Variants in CNTN3 observed in about 807,000 individuals in gnomAD.
CNTN3 encodes contactin 3.
CNTN3 carries 60 observed loss-of-function variants against 119.1 expected under a neutral mutation model. The ratio of observed to expected loss-of-function variants is 0.50; its 90% CI spans 0.41 to 0.62. The LOEUF is 0.62. Among genes scored for constraint, CNTN3 ranks in the 20% least tolerant of loss-of-function variants. The pLI is 0.00. For missense variants in CNTN3, 1,101 were observed against 1,242.4 expected (o/e 0.89, Z 1.71); for synonymous variants, 450 against 438.7 (o/e 1.03, Z -0.32).
chr3:74,272,865 T>C (rs1267499269), intron 20 of CNTN3, among the ~76,000 whole-genome samples: 1 of 152,170 alleles, frequency 6.6e-6, no homozygotes, highest in Non-Finnish European at 1.5e-5. Context: ...ATTCTACTTA[T>C]TATTATTAAA....
At chr3:74,390,200 G>C (rs1012872971) in intron 5 of CNTN3, among the ~76,000 whole-genome samples, 1 of 152,118 alleles carries the variant, frequency 6.6e-6, no homozygotes, top group Non-Finnish European at 1.5e-5. Flanking sequence ...GTTGACTTAG[G>C]GCTCTAATAG....
chr3:74,441,856 C>G (rs1701971872), intron 4 of CNTN3, among the ~76,000 whole-genome samples: 1 of 152,072 alleles, frequency 6.6e-6, no homozygotes, highest in African/African-American at 2.4e-5. Context: ...TTGCATTTAG[C>G]TAACATGACA....
chr3:74,312,006 G>T (rs1459997985), intron 13 of CNTN3, among the ~76,000 whole-genome samples: 1 of 152,150 alleles, frequency 6.6e-6, no homozygotes, highest in South Asian at 2.1e-4. Flanking sequence ...GCCAATCATA[G>T]GGGGTGCTGC....
chr3:74,506,429 T>C (rs1337551434), intron 2 of CNTN3, among the ~76,000 whole-genome samples: 2 of 152,306 alleles, frequency 1.3e-5, no homozygotes, highest in East Asian at 3.9e-4. Flanking sequence ...CAGGACATAA[T>C]GTTTTTGGCA....
chr3:74,387,652 A>C lies in CNTN3; in HGVS notation c.455-16253T>G, dbSNP rs144156889. The stretch of plus-strand genomic sequence containing the variant: ...TCTATTTCTAACTTGCTATTTCCAA[A>C]TGGGAATAATTATTCCTAAGTGTCA... On this transcript the variant is annotated intron_variant, in intron 5 of 22. Transcript: ENST00000263665. Among the ~76,000 whole-genome samples the C allele has an allele frequency of 9.0e-4, 137 of 152,336 alleles. 1 individual carries two copies. The highest frequency in any genetic ancestry group is 3.1e-3 in the African/African-American group (129 of 41,584).
chr3:74,317,173 TG>T lies in CNTN3; in HGVS notation c.1669-14367del, dbSNP rs1702851968. 9.4e-5 allele frequency among the ~76,000 whole-genome samples: 13 copies of T among 137,750 alleles called. 1 individual carries two copies. In the South Asian group the frequency reaches 3.3e-3, roughly 35 times the overall value. 90.4% of individuals were successfully genotyped at this position (137,750 alleles called of 152,430 possible). ...AGGATTGCAACCCCTGCCTTTTTTT[TG>T]TTTTCCATTTGCTTGGTAGATCTTC... On this transcript the variant is annotated intron_variant, in intron 13 of 22. Coordinates refer to ENST00000263665, the MANE Select transcript of CNTN3 (RefSeq NM_020872.3).
intron 4 of CNTN3, among the ~76,000 whole-genome samples, chr3:74,435,543 G>A (rs1701852295): frequency 6.7e-6 from 1 of 149,880 alleles, no homozygotes; most frequent in Non-Finnish European, 1.5e-5. Flanking sequence ...TACTTGTTTG[G>A]CTTTTACACC....
intron 2 of CNTN3, among the ~76,000 whole-genome samples, chr3:74,500,345 T>G (rs1198984835): frequency 6.6e-6 from 1 of 151,972 alleles, no homozygotes; most frequent in Non-Finnish European, 1.5e-5. Flanking sequence ...CTAAGAGAAC[T>G]TGAACATGCT....
chr3:74,360,955 T>G (rs1704059699), intron 11 of CNTN3, among the ~76,000 whole-genome samples: 1 of 152,064 alleles, frequency 6.6e-6, no homozygotes, highest in Admixed American at 6.6e-5. Context: ...CTGCTAAGAC[T>G]TTAGTTCCAT....
At chr3:74,569,857 A>T (rs904880047) in intron 1 of CNTN3, among the ~76,000 whole-genome samples, 2 of 152,146 alleles carry the variant, frequency 1.3e-5, no homozygotes, top group African/African-American at 4.8e-5. Flanking sequence ...GGTTGTTGGC[A>T]GAATTTAATT....
At chr3:74,511,594 A>G (rs1361212372) in intron 2 of CNTN3, among the ~76,000 whole-genome samples, 1 of 152,096 alleles carries the variant, frequency 6.6e-6, no homozygotes, top group Non-Finnish European at 1.5e-5. Flanking sequence ...TGCTGGGCCC[A>G]GGTGTTCAAG....
At chr3:74,348,208 G>A (rs1245816836) in intron 11 of CNTN3, among the ~76,000 whole-genome samples, 1 of 151,942 alleles carries the variant, frequency 6.6e-6, no homozygotes, top group East Asian at 1.9e-4. Flanking sequence ...CACACAAAAT[G>A]GTAACTATGT....
At chr3:74,542,101 G>C (rs183160581) in intron 1 of CNTN3, among the ~76,000 whole-genome samples, 7 of 152,278 alleles carry the variant, frequency 4.6e-5, no homozygotes, top group African/African-American at 1.4e-4. Context: ...AGGCATGGTG[G>C]TGCCCACCTA....
At chr3:74,589,197 GACC>G (rs1704653582) in intron 1 of CNTN3, among the ~76,000 whole-genome samples, 1 of 151,126 alleles carries the variant, frequency 6.6e-6, no homozygotes, top group Non-Finnish European at 1.5e-5. Context: ...AAATTTTTGT[GACC>G]TACTCATCTG....
chr3:74,402,725 G>T (rs1231142133), intron 5 of CNTN3, among the ~76,000 whole-genome samples: 3 of 152,100 alleles, frequency 2.0e-5, no homozygotes, highest in Non-Finnish European at 4.4e-5. Flanking sequence ...TATAATGGAA[G>T]AAAATGATTA....
intron 5 of CNTN3, among the ~76,000 whole-genome samples, chr3:74,398,878 G>T (rs762307068): frequency 2.6e-5 from 4 of 152,056 alleles, no homozygotes; most frequent in Non-Finnish European, 5.9e-5. Context: ...TTTTAATTAA[G>T]AAAAACTGTT....
At chr3:74,574,748 A>G (rs1704387574) in intron 1 of CNTN3, among the ~76,000 whole-genome samples, 1 of 152,150 alleles carries the variant, frequency 6.6e-6, no homozygotes, top group African/African-American at 2.4e-5. Context: ...TTATTGGAAA[A>G]ATCAAAGGTT....
At chr3:74,314,939 T>G (rs1482613545) in intron 13 of CNTN3, among the ~76,000 whole-genome samples, 1 of 152,190 alleles carries the variant, frequency 6.6e-6, no homozygotes, top group Admixed American at 6.5e-5. Context: ...TCAGCCATTC[T>G]TATTCACAGG....
At chr3:74,401,131 T>G (rs1205850986) in intron 5 of CNTN3, among the ~76,000 whole-genome samples, 2 of 151,984 alleles carry the variant, frequency 1.3e-5, no homozygotes, top group African/African-American at 4.8e-5. Flanking sequence ...TATATGTGCC[T>G]GGCTACTATG....
Sources: allele counts gnomAD v4.1 joint callset (sites outside exome capture counted in the v4.1 genomes callset), GRCh38; gene constraint gnomAD v4.1.1; transcripts MANE v1.5; gene names NCBI Gene and HGNC (gene_info 2026-07-23, HGNC 2026-07-21).